OPA3: variants seen among roughly 807,000 people sequenced by gnomAD.
The protein encoded by OPA3 is optic atrophy 3 protein.
A neutral mutation model predicts 4.0 loss-of-function variants in OPA3; 6 were observed. The observed-to-expected ratio is 1.51, with a 90% confidence interval of 0.83 to 2.99. The LOEUF is 2.99. Ranked by LOEUF, OPA3 falls within the 30% of genes most tolerant of loss-of-function variation. The probability of loss-of-function intolerance (pLI) is 0.00; values close to 1 mark genes in which losing one functional copy is unlikely to be tolerated. For synonymous variants in OPA3, 105 were observed against 117.1 expected (o/e 0.90, Z 0.67); for missense variants, 235 against 256.2 (o/e 0.92, Z 0.56).
At chr19:45,554,676 G>T (rs1969394480) in intron 1 of OPA3, among the ~76,000 whole-genome samples, 1 of 152,188 alleles carries the variant, frequency 6.6e-6, no homozygotes, top group Non-Finnish European at 1.5e-5. Flanking sequence ...TCATCCAAGG[G>T]CACATGAAAC....
downstream of OPA3, among the ~76,000 whole-genome samples, chr19:45,541,398 TAC>T (rs1969183702): frequency 6.6e-6 from 1 of 152,086 alleles, no homozygotes; most frequent in Non-Finnish European, 1.5e-5. Flanking sequence ...CTTGACTGGA[TAC>T]AGAGTCACCC....
At chr19:45,558,592 A>T (rs529080582) in intron 1 of OPA3, among the ~76,000 whole-genome samples, 1 of 152,140 alleles carries the variant, frequency 6.6e-6, no homozygotes, top group Admixed American at 6.6e-5. Flanking sequence ...GATCTACGCC[A>T]TCGTTACCTA....
At chr19:45,568,181 ATTTATTTTG>A (rs1969610993) in intron 1 of OPA3, among the ~76,000 whole-genome samples, 1 of 151,610 alleles carries the variant, frequency 6.6e-6, no homozygotes, top group African/African-American at 2.4e-5. Flanking sequence ...CAATTTATTT[ATTTATTTTG>A]TTATTTATTT....
At chr19:45,582,278 G>C (rs1479281221) in intron 1 of OPA3, among the ~76,000 whole-genome samples, 1 of 151,616 alleles carries the variant, frequency 6.6e-6, no homozygotes, top group Non-Finnish European at 1.5e-5. Flanking sequence ...TCATGCTCCA[G>C]CCTCCCGAGT....
intron 1 of OPA3, among the ~76,000 whole-genome samples, chr19:45,565,430 G>C (rs1177853426): frequency 6.6e-6 from 1 of 151,746 alleles, no homozygotes; most frequent in Non-Finnish European, 1.5e-5. Flanking sequence ...AGGAGTTTGA[G>C]ACCAGCCTGG....
Position 45,549,369 on chromosome 19 carries a change from AGGGC to A in OPA3, c.*4141_*4144del. On this transcript the variant is annotated 3_prime_UTR_variant, in exon 2 of 2. Transcript: ENST00000263275. ...ACGATGACTGGCTGCCTGTCAGGGC[AGGGC>A]AGGGCAGGGCTGAGTGCGAAGTCTC... The A allele has an allele frequency of 1.0e-6, 1 of 980,970 alleles. No homozygotes were observed. The highest frequency in any genetic ancestry group is 6.2e-5 in the Admixed American group (1 of 16,224). 60.8% of individuals were successfully genotyped at this position (980,970 alleles called of 1,614,324 possible).
intron 1 of OPA3, among the ~76,000 whole-genome samples, chr19:45,582,955 C>A (rs1460225029): frequency 6.6e-6 from 1 of 152,194 alleles, no homozygotes; most frequent in Non-Finnish European, 1.5e-5. Context: ...CAAACTAAAT[C>A]TCTCCCAAAG....
intron 1 of OPA3, among the ~76,000 whole-genome samples, chr19:45,571,405 G>A (rs1289977236): frequency 6.6e-6 from 1 of 152,034 alleles, no homozygotes; most frequent in Non-Finnish European, 1.5e-5. Flanking sequence ...CCTTGGACTC[G>A]CAAAGTGCTG....
intron 1 of OPA3, among the ~76,000 whole-genome samples, chr19:45,575,352 A>C (rs1299222926): frequency 6.6e-6 from 1 of 152,032 alleles, no homozygotes; most frequent in Non-Finnish European, 1.5e-5. Context: ...CAACCTCCCA[A>C]AGTGCTGAGA....
intron 1 of OPA3, among the ~76,000 whole-genome samples, chr19:45,537,396 CAAAAAAA>C (rs1181396046): frequency 3.5e-5 from 1 of 28,918 alleles, no homozygotes; most frequent in African/African-American, 1.6e-4. Flanking sequence ...GACTCTGTCT[CAAAAAAA>C]AAAAAAAAAA....
At chr19:45,554,512 TG>T (rs1178111843) in intron 1 of OPA3, among the ~76,000 whole-genome samples, 7 of 152,178 alleles carry the variant, frequency 4.6e-5, no homozygotes, top group African/African-American at 1.7e-4. Flanking sequence ...GCACATACCT[TG>T]GTGGGAGCTC....
At chr19:45,584,060 TC>T (rs1288014631) in intron 1 of OPA3, among the ~76,000 whole-genome samples, 1 of 152,156 alleles carries the variant, frequency 6.6e-6, no homozygotes, top group African/African-American at 2.4e-5. Context: ...AAAGTCCTTT[TC>T]CGGATTCCCA....
chr19:45,535,762 CT>C (rs370775683), intron 1 of OPA3, among the ~76,000 whole-genome samples: 89 of 122,930 alleles, frequency 7.2e-4, no homozygotes, highest in Admixed American at 3.2e-3. Flanking sequence ...TTTTTCTTTT[CT>C]TTTTTTTTTT....
At chr19:45,576,773 A>T (rs1424940568) in intron 1 of OPA3, among the ~76,000 whole-genome samples, 1 of 151,864 alleles carries the variant, frequency 6.6e-6, no homozygotes, top group Non-Finnish European at 1.5e-5. Flanking sequence ...CCTTATAAGG[A>T]CCCCTGTGAT....
chr19:45,580,293 CT>C (rs539421587), intron 1 of OPA3, among the ~76,000 whole-genome samples: 20,834 of 121,644 alleles, frequency 0.17, 2,448 homozygotes, highest in African/African-American at 0.36. Context: ...TGCACCCGGC[CT>C]TTTTTTTTTT....
downstream of OPA3, among the ~76,000 whole-genome samples, chr19:45,544,248 G>A (rs1348571667): frequency 1.3e-5 from 2 of 152,164 alleles, no homozygotes; most frequent in Admixed American, 6.5e-5. Context: ...CTACATGCAC[G>A]TTCATAGCAG....
chr19:45,573,508 A>C (rs1007396850), intron 1 of OPA3, among the ~76,000 whole-genome samples: 2 of 152,140 alleles, frequency 1.3e-5, no homozygotes, highest in Admixed American at 6.6e-5. Flanking sequence ...AGAGTACTTG[A>C]GGGCCAGGTA....
Position 45,553,712 on chromosome 19 carries a change from C to G in OPA3, c.342G>C (p.Glu114Asp). The G allele has an allele frequency of 1.2e-6, 2 of 1,609,220 alleles. No individual in the cohort carries two copies. Among genetic ancestry groups the G allele is most frequent in the Non-Finnish European group, 1.7e-6 (2 of 1,179,346 alleles). ...GCAGCGCGTTCCAGGCAGCACGCTG[C>G]TCCTCCTCCTTGTGGCGCTGCTGCG... ...HQAQQRHKEE[E>D]QRAAWNALRD... is the part of the protein sequence containing the mutation. Residue 114 changes from glutamate (E) to aspartate (D), a missense_variant, in exon 2 of 2, where the codon GAG becomes GAC. Glu to Asp is a conservative substitution (Grantham distance 45). Transcript: ENST00000263275.
At chr19:45,555,705 A>G (rs1969410984) in intron 1 of OPA3, among the ~76,000 whole-genome samples, 2 of 151,884 alleles carry the variant, frequency 1.3e-5, no homozygotes, top group Non-Finnish European at 2.9e-5. Context: ...GTTAGCCAGG[A>G]TGGTCTCGAT....
Sources: gnomAD v4.1 joint callset for allele counts (sites outside exome capture counted in the v4.1 genomes callset) on GRCh38, gnomAD v4.1.1 for gene constraint, MANE v1.5 for transcripts, NCBI Gene and HGNC (gene_info 2026-07-23, HGNC 2026-07-21) for gene names.